The following KREMEN1 variants were observed in gnomAD, a reference collection of about 807,000 sequenced individuals.
The protein encoded by KREMEN1 is kremen protein 1.
A neutral mutation model predicts 46.5 loss-of-function variants in KREMEN1; 30 were observed. The ratio of observed to expected loss-of-function variants is 0.65; its 90% confidence interval spans 0.48 to 0.88. The LOEUF (loss-of-function observed/expected upper bound fraction) is 0.88. Ranked by LOEUF, KREMEN1 falls within the 40% of genes least tolerant of loss-of-function variation. The pLI is 0.00. For synonymous variants in KREMEN1, 214 were observed against 230.6 expected, an observed-to-expected ratio of 0.93 and a Z score of 0.65; for missense variants, 533 against 596.9, an observed-to-expected ratio of 0.89 and a Z score of 1.11.
chr22:29,104,046 A>G (rs1008203232), intron 3 of KREMEN1, among the ~76,000 whole-genome samples: 2 of 152,126 alleles, frequency 1.3e-5, no homozygotes, highest in Non-Finnish European at 2.9e-5. Flanking sequence ...TGCAACTTTG[A>G]ATAATAAAAA....
At chr22:29,098,292 A>G (rs2037915498) in intron 2 of KREMEN1, among the ~76,000 whole-genome samples, 1 of 152,102 alleles carries the variant, frequency 6.6e-6, no homozygotes, top group Non-Finnish European at 1.5e-5. Context: ...ATTTAACCAA[A>G]CCTTTATTGT....
intron 4 of KREMEN1, among the ~76,000 whole-genome samples, chr22:29,121,868 A>G (rs2038362331): frequency 6.6e-6 from 1 of 152,254 alleles, no homozygotes; most frequent in Admixed American, 6.5e-5. Flanking sequence ...ACCTAAAATA[A>G]CTAAACTTCT....
At chr22:29,079,504 C>T (rs908531715) in intron 1 of KREMEN1, among the ~76,000 whole-genome samples, 1 of 152,232 alleles carries the variant, frequency 6.6e-6, no homozygotes, top group Non-Finnish European at 1.5e-5. Flanking sequence ...AAGGGCGGGG[C>T]CCTGCTTCTA....
intron 3 of KREMEN1, among the ~76,000 whole-genome samples, chr22:29,112,916 T>G (rs915147817): frequency 1.3e-5 from 2 of 148,282 alleles, no homozygotes; most frequent in African/African-American, 5.0e-5. Flanking sequence ...CTTCTCCGAC[T>G]AGACTTCGAG....
chr22:29,098,908 G>A lies in KREMEN1; in HGVS notation c.307G>A (p.Glu103Lys), dbSNP rs754799047. 5.1e-5 allele frequency: 83 copies of A among 1,614,172 alleles called. No individual in the cohort carries two copies. The highest frequency in any genetic ancestry group is 4.7e-4 in the South Asian group (43 of 91,086). Reference sequence around the variant, plus strand: ...CCCCTGGTGCTATGTGGCAGAGCACGAGGATGGTGTCTACTGGAAGTACTG... The same window carrying A: ...CCCCTGGTGCTATGTGGCAGAGCACAAGGATGGTGTCTACTGGAAGTACTG... ...VSPWCYVAEHEDGVYWKYCEI... is the reference protein window; with the variant it reads ...VSPWCYVAEHKDGVYWKYCEI... The change falls in exon 3 of 9, where the codon GAG (glutamate) becomes AAG (lysine). Residue 103 changes from glutamate (E) to lysine (K), a missense_variant. Glu to Lys is a moderately conservative substitution (Grantham distance 56). Transcript: ENST00000400335.
In KREMEN1 at chr22:29,137,041, G is replaced by A. The variant is rs559918368; in HGVS notation, c.632-301G>A. Among the ~76,000 whole-genome samples the A allele has an allele frequency of 2.3e-3, 348 of 152,254 alleles. 1 individual carries two copies. The highest frequency in any genetic ancestry group is 4.1e-3 in the Non-Finnish European group (278 of 68,014). On this transcript the variant is annotated intron_variant, in intron 5 of 8. Coordinates refer to ENST00000400335, the MANE Select transcript of KREMEN1 (RefSeq NM_001039570.3). ...GCAAGAGGCCCGCGAGTGAAGTGCGGCCCCTGCCATCACTTGGCCCTGCCA... is the reference window on the plus strand; with the variant it reads ...GCAAGAGGCCCGCGAGTGAAGTGCGACCCCTGCCATCACTTGGCCCTGCCA...
At chr22:29,157,343 T>C (rs1250500654) in intron 9 of KREMEN1, among the ~76,000 whole-genome samples, 1 of 152,164 alleles carries the variant, frequency 6.6e-6, no homozygotes, top group Non-Finnish European at 1.5e-5. Flanking sequence ...ACTTTGTTTT[T>C]CGTTGTGGTT....
At chr22:29,134,288 G>T (rs1462917055) in intron 5 of KREMEN1, among the ~76,000 whole-genome samples, 1 of 152,044 alleles carries the variant, frequency 6.6e-6, no homozygotes, top group Non-Finnish European at 1.5e-5. Context: ...ACCCTGAGTA[G>T]CTGGGACTGC....
intron 9 of KREMEN1, among the ~76,000 whole-genome samples, chr22:29,152,592 T>A (rs1396126838): frequency 6.6e-6 from 1 of 152,146 alleles, no homozygotes; most frequent in African/African-American, 2.4e-5. Flanking sequence ...GGAGACAGAA[T>A]CTGCTCAACT....
intron 4 of KREMEN1, 47 bp from the exon 5 acceptor site, chr22:29,125,216 G>A (rs368948714): frequency 2.6e-5 from 41 of 1,599,596 alleles, no homozygotes; most frequent in Middle Eastern, 1.7e-4. Context: ...CAGGCCATCT[G>A]ACATCCCTGA....
downstream of KREMEN1, among the ~76,000 whole-genome samples, chr22:29,147,440 C>T (rs2038880369): frequency 6.6e-6 from 1 of 152,218 alleles, no homozygotes; most frequent in Non-Finnish European, 1.5e-5. Context: ...ATGGGTACCA[C>T]TTTCCCTCTT....
intron 9 of KREMEN1, among the ~76,000 whole-genome samples, chr22:29,162,939 T>C (rs1242548953): frequency 6.6e-6 from 1 of 152,102 alleles, no homozygotes; most frequent in Non-Finnish European, 1.5e-5. Flanking sequence ...AAAAAAGAAT[T>C]AAATCATGTA....
At chr22:29,130,533 C>A (rs2038515403) in intron 5 of KREMEN1, among the ~76,000 whole-genome samples, 1 of 152,124 alleles carries the variant, frequency 6.6e-6, no homozygotes, top group Non-Finnish European at 1.5e-5. Flanking sequence ...TTCTTGGGTG[C>A]CAAGAAAGAG....
intron 3 of KREMEN1, among the ~76,000 whole-genome samples, chr22:29,119,447 T>C (rs191529587): frequency 3.9e-5 from 6 of 152,290 alleles, no homozygotes; most frequent in Admixed American, 2.6e-4. Context: ...GATGTGGGGG[T>C]GTGGGACTGA....
At chr22:29,115,769 G>T (rs1477888267) in intron 3 of KREMEN1, among the ~76,000 whole-genome samples, 3 of 152,248 alleles carry the variant, frequency 2.0e-5, no homozygotes, top group Admixed American at 6.5e-5. Context: ...CAGGGGAAAT[G>T]ATGTTCAGGC....
chr22:29,087,560 T>C (rs540956580), intron 1 of KREMEN1, among the ~76,000 whole-genome samples: 183 of 145,086 alleles, frequency 1.3e-3, no homozygotes, highest in African/African-American at 4.4e-3. Context: ...CACTATCTTA[T>C]ACATGTCAAG....
At chr22:29,129,807 A>AT (rs888405273) in intron 5 of KREMEN1, among the ~76,000 whole-genome samples, 1 of 152,026 alleles carries the variant, frequency 6.6e-6, no homozygotes, top group Admixed American at 6.6e-5. Flanking sequence ...TCTCTGGCTG[A>AT]TTTTTCAGCA....
intron 9 of KREMEN1, among the ~76,000 whole-genome samples, chr22:29,165,294 TC>T (rs1220668150): frequency 6.6e-6 from 1 of 151,684 alleles, no homozygotes; most frequent in Non-Finnish European, 1.5e-5. Flanking sequence ...CTTGTAGTCC[TC>T]CGGAGGCTGA....
intron 3 of KREMEN1, among the ~76,000 whole-genome samples, chr22:29,107,812 G>A (rs948158991): frequency 5.3e-5 from 8 of 152,112 alleles, no homozygotes. Flanking sequence ...TTGAGGCTGA[G>A]CTCGCATCAC....
Sources: allele counts gnomAD v4.1 joint callset (sites outside exome capture counted in the v4.1 genomes callset), GRCh38; gene constraint gnomAD v4.1.1; transcripts MANE v1.5; gene names NCBI Gene and HGNC (gene_info 2026-07-23, HGNC 2026-07-21).